Variants in SAMD12 observed in about 807,000 individuals in gnomAD.
SAMD12 encodes sterile alpha motif domain containing 12.
SAMD12 carries 9 observed loss-of-function variants against 15.0 expected under a neutral mutation model. The observed-to-expected ratio is 0.60, with a 90% CI of 0.36 to 1.05. SAMD12 has a LOEUF of 1.05. Ranked by LOEUF, SAMD12 falls within the 50% of genes least tolerant of loss-of-function variation. The pLI, the probability that SAMD12 is intolerant of heterozygous loss-of-function variation, is 0.01. For missense variants in SAMD12, 230 were observed against 234.2 expected (o/e 0.98, Z 0.12); for synonymous variants, 86 against 90.1 (o/e 0.96, Z 0.25).
intron 2 of SAMD12, among the ~76,000 whole-genome samples, chr8:118,479,468 A>G (rs114046255): frequency 1.3e-5 from 2 of 152,278 alleles, no homozygotes; most frequent in African/African-American, 4.8e-5. Context: ...TTATAAAACT[A>G]TCAGGTCTTG....
chr8:118,141,887 A>G, the SAMD12 span, among the ~76,000 whole-genome samples: 1 of 152,230 alleles, frequency 6.6e-6, no homozygotes, highest in Non-Finnish European at 1.5e-5. Context: ...GTCCCACCTT[A>G]GTCCTGGCCA....
the SAMD12 span, among the ~76,000 whole-genome samples, chr8:118,156,026 T>C: frequency 6.6e-6 from 1 of 152,218 alleles, no homozygotes; most frequent in Non-Finnish European, 1.5e-5. Context: ...TATTGCATGA[T>C]TTATTTTCAG....
At chr8:118,474,483 G>C (rs111676340) in intron 2 of SAMD12, among the ~76,000 whole-genome samples, 3,347 of 151,322 alleles carry the variant, frequency 0.022, 118 homozygotes, top group African/African-American at 0.077. Context: ...TAGGTTCAAA[G>C]GATTCTCCTA....
chr8:118,173,737 C>G, the SAMD12 span, among the ~76,000 whole-genome samples: 1 of 150,260 alleles, frequency 6.7e-6, no homozygotes, highest in South Asian at 2.1e-4. Flanking sequence ...TCAAGTGATT[C>G]TCATGCCTCA....
intron 2 of SAMD12, among the ~76,000 whole-genome samples, chr8:118,511,068 C>T (rs1825067480): frequency 6.6e-6 from 1 of 152,120 alleles, no homozygotes; most frequent in African/African-American, 2.4e-5. Context: ...TATTACTTTG[C>T]TTATCATTGA....
At chr8:118,267,356 C>A (rs1188841013) in intron 4 of SAMD12, among the ~76,000 whole-genome samples, 1 of 152,000 alleles carries the variant, frequency 6.6e-6, no homozygotes, top group East Asian at 1.9e-4. Flanking sequence ...CCTGAAAGAT[C>A]AAAAATTATC....
intron 4 of SAMD12, among the ~76,000 whole-genome samples, chr8:118,203,697 C>T (rs1219451636): frequency 1.3e-5 from 2 of 151,704 alleles, no homozygotes; most frequent in East Asian, 3.9e-4. Context: ...TCTTCATTTA[C>T]ATTAGGTATA....
intron 3 of SAMD12, among the ~76,000 whole-genome samples, chr8:118,423,447 G>T (rs56794209): frequency 0.17 from 25,177 of 152,018 alleles, 2,158 homozygotes; most frequent in African/African-American, 0.19. Flanking sequence ...TACACACAGA[G>T]ATTTTAGAAG....
chr8:118,440,502 T>G (rs913677044), intron 2 of SAMD12, among the ~76,000 whole-genome samples: 4 of 152,226 alleles, frequency 2.6e-5, no homozygotes, highest in South Asian at 2.1e-4. Context: ...TCCAGGACCA[T>G]TAGTTATACC....
intron 4 of SAMD12, among the ~76,000 whole-genome samples, chr8:118,205,372 C>T (rs1819832728): frequency 1.3e-5 from 2 of 152,252 alleles, no homozygotes; most frequent in African/African-American, 4.8e-5. Context: ...TTAGCACTAT[C>T]ATTCACCAAG....
chr8:118,419,817 A>T (rs1821913112), intron 3 of SAMD12, among the ~76,000 whole-genome samples: 2 of 152,096 alleles, frequency 1.3e-5, no homozygotes, highest in African/African-American at 4.8e-5. Context: ...CCCCTGAAAG[A>T]TTTATATAGA....
At chr8:118,231,633 T>C (rs1812311612) in intron 4 of SAMD12, among the ~76,000 whole-genome samples, 7 of 152,178 alleles carry the variant, frequency 4.6e-5, no homozygotes, top group Admixed American at 4.6e-4. Context: ...CCCTAAGTTT[T>C]TTAAAACTCT....
intron 4 of SAMD12, among the ~76,000 whole-genome samples, chr8:118,372,438 T>C (rs1185870837): frequency 6.7e-6 from 1 of 150,222 alleles, no homozygotes; most frequent in Non-Finnish European, 1.5e-5. Flanking sequence ...TTTTTTTTTT[T>C]CAGAAATCTC....
At chr8:118,570,928 C>T (rs2131234366) in intron 2 of SAMD12, among the ~76,000 whole-genome samples, 2 of 152,292 alleles carry the variant, frequency 1.3e-5, no homozygotes, top group East Asian at 3.9e-4. Flanking sequence ...CTCTCTTTGC[C>T]TGCTGCCATT....
chr8:118,191,916 T>C (rs1409164396), exon 5 of SAMD12: 1 of 141,972 alleles, frequency 7.0e-6, no homozygotes, highest in African/African-American at 2.6e-5. Flanking sequence ...CAAACTCAAA[T>C]CATATTTTTG....
intron 2 of SAMD12, among the ~76,000 whole-genome samples, chr8:118,562,707 G>T (rs1289188477): frequency 6.6e-6 from 1 of 152,214 alleles, no homozygotes; most frequent in Non-Finnish European, 1.5e-5. Flanking sequence ...AATACTGGAA[G>T]TATATACAAA....
intron 2 of SAMD12, among the ~76,000 whole-genome samples, chr8:118,536,443 AACACACACAC>A (rs1165508519): frequency 8.5e-5 from 12 of 140,868 alleles, no homozygotes; most frequent in East Asian, 2.3e-4. Flanking sequence ...CTGATACACA[AACACACACAC>A]ACACACACAC....
the SAMD12 span, among the ~76,000 whole-genome samples, chr8:118,138,928 G>C: frequency 2.0e-5 from 3 of 152,314 alleles, no homozygotes; most frequent in Non-Finnish European, 4.4e-5. Context: ...ACACTAAGGA[G>C]AGTGGCCCTC....
intron 2 of SAMD12, among the ~76,000 whole-genome samples, chr8:118,451,978 G>C (rs935313742): frequency 2.0e-5 from 3 of 152,136 alleles, no homozygotes; most frequent in African/African-American, 7.2e-5. Context: ...TGTATTCCAA[G>C]ACAGGGCCTT....
Sources: gnomAD v4.1 joint callset for allele counts (sites outside exome capture counted in the v4.1 genomes callset) on GRCh38, gnomAD v4.1.1 for gene constraint, MANE v1.5 for transcripts, NCBI Gene and HGNC (gene_info 2026-07-23, HGNC 2026-07-21) for gene names.